DOCK4: variants seen among roughly 807,000 people sequenced by gnomAD.
The protein encoded by DOCK4 is dedicator of cytokinesis 4, also known as dedicator of cytokinesis protein 4.
A neutral mutation model predicts 268.1 loss-of-function variants in DOCK4; 97 were observed. The ratio of observed to expected loss-of-function variants is 0.36; its 90% CI spans 0.31 to 0.43. DOCK4 has a LOEUF of 0.43. DOCK4 is among the 20% of genes least tolerant of loss of function. DOCK4 has a pLI of 1.00. For synonymous variants in DOCK4, 954 were observed against 887.2 expected, an observed-to-expected ratio of 1.08 and a Z score of -1.34; for missense variants, 2,145 against 2,455.7, an observed-to-expected ratio of 0.87 and a Z score of 2.67.
At chr7:112,012,987 G>A (rs1260501591) in intron 1 of DOCK4, among the ~76,000 whole-genome samples, 1 of 151,976 alleles carries the variant, frequency 6.6e-6, no homozygotes, top group Non-Finnish European at 1.5e-5. Context: ...TGAAAGTCAC[G>A]AAAAAAAGTT....
At chr7:111,752,578 GTTTTTTTTTTT>G (rs56037303) in intron 42 of DOCK4, among the ~76,000 whole-genome samples, 3 of 82,216 alleles carry the variant, frequency 3.6e-5, no homozygotes, top group Admixed American at 1.6e-4. Flanking sequence ...ATCAGCTTAG[GTTTTTTTTTTT>G]TTTTTTTTTT....
chr7:112,092,897 TTC>T (rs1809762945), intron 1 of DOCK4, among the ~76,000 whole-genome samples: 1 of 152,070 alleles, frequency 6.6e-6, no homozygotes, highest in African/African-American at 2.4e-5. Context: ...AAAGGTTTTG[TTC>T]TCTCAGTGGG....
chr7:111,778,687 C>A (rs1335013377), intron 35 of DOCK4, among the ~76,000 whole-genome samples: 1 of 152,056 alleles, frequency 6.6e-6, no homozygotes, highest in African/African-American at 2.4e-5. Flanking sequence ...CAGATTAATC[C>A]ATTTTTTAAC....
At chr7:111,774,290 C>A (rs1798311755) in intron 36 of DOCK4, among the ~76,000 whole-genome samples, 1 of 152,172 alleles carries the variant, frequency 6.6e-6, no homozygotes, top group African/African-American at 2.4e-5. Context: ...CGTGGTGAAA[C>A]CCCGTCTCTA....
chr7:111,958,632 G>T (rs1796622041), intron 8 of DOCK4, among the ~76,000 whole-genome samples: 1 of 152,118 alleles, frequency 6.6e-6, no homozygotes, highest in Non-Finnish European at 1.5e-5. Context: ...AGAGTGAAAG[G>T]GAAAGAGAAA....
intron 31 of DOCK4, 118 bp downstream of exon 31, chr7:111,790,339 G>C: frequency 2.4e-6 from 3 of 1,248,228 alleles, no homozygotes; most frequent in Non-Finnish European, 3.3e-6. Flanking sequence ...GGCCAGGCTG[G>C]AATCTAGGTC....
At chr7:111,971,726 A>G in intron 8 of DOCK4, 1 of 317,930 alleles carries the variant, frequency 3.1e-6, no homozygotes, top group Non-Finnish European at 5.3e-6. Context: ...CAGCTTATGC[A>G]GCTGAGTAGC....
intron 52 of DOCK4, among the ~76,000 whole-genome samples, chr7:111,731,905 T>C (rs1795115207): frequency 2.0e-5 from 3 of 152,142 alleles, no homozygotes; most frequent in Admixed American, 1.3e-4. Context: ...AAGGCCAGGC[T>C]GAAAGTTTCC....
chr7:111,834,820 A>C, intron 25 of DOCK4, 134 bp from the exon 26 acceptor site: 1 of 544,446 alleles, frequency 1.8e-6, no homozygotes, highest in Non-Finnish European at 3.0e-6. Flanking sequence ...TGCCCTGTGA[A>C]GTCTTCTTAA....
chr7:111,927,777 C>T lies in DOCK4; in HGVS notation c.1066+7763G>A, dbSNP rs971262792. ...AGTGATGGGGTTCAGGACACATTAC[C>T]CTAAAACATGGTTCCTTGGCATACT... On this transcript the variant is annotated intron_variant, in intron 12 of 52. Transcript: ENST00000428084. Among the ~76,000 whole-genome samples the T allele has an allele frequency of 2.6e-5, 4 of 152,174 alleles. No individual in the cohort carries two copies. In the East Asian group the frequency reaches 7.7e-4, roughly 29 times the overall value.
At chr7:111,812,036 TA>T (rs1418225325) in intron 27 of DOCK4, 87 bp from the exon 28 acceptor site, 1 of 680,660 alleles carries the variant, frequency 1.5e-6, no homozygotes, top group African/African-American at 1.8e-5. Context: ...TAAGATAAAA[TA>T]AAACCTTCTT....
intron 1 of DOCK4, among the ~76,000 whole-genome samples, chr7:112,007,420 T>C (rs1021075567): frequency 1.3e-5 from 2 of 152,172 alleles, no homozygotes; most frequent in Non-Finnish European, 2.9e-5. Context: ...TAACTAAAAG[T>C]ATCTAAGGAA....
In DOCK4 at chr7:112,119,286, C is replaced by T. The variant is rs529771629; in HGVS notation, c.37+86816G>A. On this transcript the variant is annotated intron_variant, in intron 1 of 52. Coordinates refer to ENST00000428084, the MANE Select transcript of DOCK4 (RefSeq NM_001363540.2). ...TCCGCCCCATTCCACCCCACCCTGC[C>T]GCTTTTAGCCTCTGCCCCCACCCCA... Among the ~76,000 whole-genome samples, 28 of 152,272 alleles carry T rather than the reference C, an allele frequency of 1.8e-4. 1 individual carries two copies. In the Middle Eastern group the frequency reaches 0.01, roughly 55 times the overall value.
rs150269141 is a variant in DOCK4, at chr7:112,034,458, G to C, written c.38-30327C>G. On this transcript the variant is annotated intron_variant, in intron 1 of 52. Coordinates refer to ENST00000428084, the MANE Select transcript of DOCK4 (RefSeq NM_001363540.2). The stretch of plus-strand genomic sequence containing the variant: ...TCTCTAAACTGGAGAAGTTGAATTG[G>C]AATTGAAAGTTATAAAGAAAGAAAC... Among the ~76,000 whole-genome samples the C allele has an allele frequency of 1.6e-4, 24 of 152,260 alleles. No individual in the cohort carries two copies. In the East Asian group the frequency reaches 4.6e-3, roughly 29 times the overall value.
intron 23 of DOCK4, among the ~76,000 whole-genome samples, chr7:111,860,393 C>T (rs190432362): frequency 3.3e-5 from 5 of 152,354 alleles, no homozygotes; most frequent in Admixed American, 3.3e-4. Context: ...CCCAGCCCAT[C>T]TTATACATCA....
intron 1 of DOCK4, among the ~76,000 whole-genome samples, chr7:112,186,066 C>A (rs1819475931): frequency 6.6e-6 from 1 of 152,232 alleles, no homozygotes; most frequent in Non-Finnish European, 1.5e-5. Context: ...GGCAACTTCA[C>A]TGGGACATCC....
At chr7:111,834,062 T>C (rs892400126) in intron 26 of DOCK4, among the ~76,000 whole-genome samples, 1 of 152,218 alleles carries the variant, frequency 6.6e-6, no homozygotes, top group South Asian at 2.1e-4. Flanking sequence ...TGGATTTTTA[T>C]AAACCTGGCA....
chr7:112,179,857 C>T (rs1208540519), intron 1 of DOCK4, among the ~76,000 whole-genome samples: 4 of 152,118 alleles, frequency 2.6e-5, no homozygotes, highest in Non-Finnish European at 4.4e-5. Flanking sequence ...AACTGGGGCT[C>T]GTATCACTTT....
intron 30 of DOCK4, among the ~76,000 whole-genome samples, chr7:111,795,596 C>T (rs1799837087): frequency 6.6e-6 from 1 of 152,190 alleles, no homozygotes; most frequent in African/African-American, 2.4e-5. Flanking sequence ...CACCTGTGGG[C>T]TTCCTAGCTC....
Sources: allele counts gnomAD v4.1 joint callset (sites outside exome capture counted in the v4.1 genomes callset), GRCh38; gene constraint gnomAD v4.1.1; transcripts MANE v1.5; gene names NCBI Gene and HGNC (gene_info 2026-07-23, HGNC 2026-07-21).